The following ZNF704 variants were observed in gnomAD, a reference collection of about 807,000 sequenced individuals.
ZNF704 encodes the protein glucocorticoid induced gene 1.
In ZNF704, 10 loss-of-function variants were observed where a neutral mutation model predicts 44.7. That is an observed-to-expected ratio of 0.22 (90% confidence interval 0.14 to 0.38). ZNF704 has a LOEUF of 0.38. Ranked by LOEUF, ZNF704 falls within the 10% of genes least tolerant of loss-of-function variation. The pLI, the probability that ZNF704 is intolerant of heterozygous loss-of-function variation, is 1.00. For missense variants in ZNF704, 390 were observed against 545.5 expected (o/e 0.71, Z 2.84); for synonymous variants, 211 against 207.6 (o/e 1.02, Z -0.14).
At chr8:80,652,301 A>G (rs1346845714) in intron 7 of ZNF704, among the ~76,000 whole-genome samples, 1 of 152,172 alleles carries the variant, frequency 6.6e-6, no homozygotes, top group Non-Finnish European at 1.5e-5. Context: ...AGCAGAAGGC[A>G]AGAAATAACT....
intron 2 of ZNF704, among the ~76,000 whole-genome samples, chr8:80,700,122 T>C (rs1818786120): frequency 6.6e-6 from 1 of 152,044 alleles, no homozygotes; most frequent in African/African-American, 2.4e-5. Flanking sequence ...GACCTTCCTG[T>C]CAGGACCTCT....
At chr8:80,690,625 A>G (rs137921953) in intron 3 of ZNF704, among the ~76,000 whole-genome samples, 9 of 152,260 alleles carry the variant, frequency 5.9e-5, no homozygotes, top group Admixed American at 2.6e-4. Flanking sequence ...CAGAGTACCC[A>G]TTTGCCAGAG....
chr8:80,850,297 C>T (rs189933372), intron 1 of ZNF704, among the ~76,000 whole-genome samples: 5 of 151,936 alleles, frequency 3.3e-5, no homozygotes, highest in African/African-American at 4.8e-5. Flanking sequence ...CAGAATGAAT[C>T]GACTATCATA....
intron 1 of ZNF704, among the ~76,000 whole-genome samples, chr8:80,842,298 A>C (rs1008502107): frequency 2.6e-5 from 4 of 152,188 alleles, no homozygotes; most frequent in Non-Finnish European, 5.9e-5. Flanking sequence ...TAGGGAGGAC[A>C]GGTTAGCTAA....
At chr8:80,835,785 T>A (rs1261490891) in intron 1 of ZNF704, among the ~76,000 whole-genome samples, 1 of 152,244 alleles carries the variant, frequency 6.6e-6, no homozygotes, top group African/African-American at 2.4e-5. Flanking sequence ...AACTTCAGGA[T>A]ACAGAATTTC....
chr8:80,838,732 T>TGGAGGAGGA (rs140901931), intron 1 of ZNF704, among the ~76,000 whole-genome samples: 7 of 128,076 alleles, frequency 5.5e-5, no homozygotes, highest in African/African-American at 1.2e-4. Flanking sequence ...GAGCAGACAC[T>TGGAGGAGGA]GGAGGAGGAG....
At chr8:80,709,445 A>T (rs1818949568) in intron 2 of ZNF704, among the ~76,000 whole-genome samples, 4 of 105,540 alleles carry the variant, frequency 3.8e-5, no homozygotes, top group African/African-American at 2.7e-4. Flanking sequence ...TCCATCTCAA[A>T]AAAAAAAAAA....
intron 2 of ZNF704, among the ~76,000 whole-genome samples, chr8:80,784,445 T>C (rs1034584246): frequency 1.3e-5 from 2 of 152,244 alleles, no homozygotes; most frequent in Non-Finnish European, 1.5e-5. Flanking sequence ...GTCAGTGTTC[T>C]GGATCTTGGC....
At chr8:80,662,972 T>C (rs1340458088) in intron 6 of ZNF704, among the ~76,000 whole-genome samples, 1 of 152,222 alleles carries the variant, frequency 6.6e-6, no homozygotes, top group African/African-American at 2.4e-5. Flanking sequence ...AGAACATAAT[T>C]ACAAGTATGT....
chr8:80,664,701 G>C (rs780361473), intron 6 of ZNF704, 114 bp downstream of exon 6: 2 of 1,287,632 alleles, frequency 1.6e-6, no homozygotes, highest in Non-Finnish European at 2.2e-6. Flanking sequence ...AAAGCTACCG[G>C]GCTGCCGTGT....
At chr8:80,815,019 T>C (rs1808154169) in intron 2 of ZNF704, among the ~76,000 whole-genome samples, 1 of 152,238 alleles carries the variant, frequency 6.6e-6, no homozygotes, top group Non-Finnish European at 1.5e-5. Context: ...TCCCATCGTA[T>C]TTATAGGATT....
At chr8:80,644,044 C>T (rs1042347169) in intron 7 of ZNF704, among the ~76,000 whole-genome samples, 5 of 152,274 alleles carry the variant, frequency 3.3e-5, no homozygotes, top group African/African-American at 4.8e-5. Context: ...AAATCAAGAA[C>T]GTATGCCACC....
intron 7 of ZNF704, among the ~76,000 whole-genome samples, chr8:80,657,921 G>A (rs117045551): frequency 2.0e-5 from 3 of 152,202 alleles, no homozygotes; most frequent in East Asian, 1.9e-4. Flanking sequence ...ACTGAGATGA[G>A]GGTAGAAATA....
intron 2 of ZNF704, among the ~76,000 whole-genome samples, chr8:80,786,317 A>C (rs762057922): frequency 6.6e-5 from 10 of 152,200 alleles, no homozygotes; most frequent in Admixed American, 1.3e-4. Context: ...GAGTTGCTTA[A>C]GTGCTGAGCT....
chr8:80,844,009 ATG>A, intron 1 of ZNF704, among the ~76,000 whole-genome samples: 1 of 151,016 alleles, frequency 6.6e-6, no homozygotes, highest in African/African-American at 2.4e-5. Context: ...ACACATGTAT[ATG>A]TGTGTGTCAC....
chr8:80,842,494 G>GA (rs377401495), intron 1 of ZNF704, among the ~76,000 whole-genome samples: 78 of 152,256 alleles, frequency 5.1e-4, no homozygotes, highest in African/African-American at 1.9e-3. Flanking sequence ...CACACACAGA[G>GA]AAAAAAGAAG....
At chr8:80,838,280 A>C (rs751247299) in intron 1 of ZNF704, among the ~76,000 whole-genome samples, 1 of 152,264 alleles carries the variant, frequency 6.6e-6, no homozygotes, top group Non-Finnish European at 1.5e-5. Context: ...TCAAAAACGC[A>C]GTTAGAACAG....
chr8:80,814,137 T>C (rs1485022759), intron 2 of ZNF704: 3 of 152,144 alleles, frequency 2.0e-5, no homozygotes, highest in African/African-American at 7.2e-5. Flanking sequence ...TTCAATGAAA[T>C]TTTGCCCCAG....
intron 4 of ZNF704, among the ~76,000 whole-genome samples, chr8:80,681,848 C>T (rs979737598): frequency 3.3e-5 from 5 of 152,184 alleles, no homozygotes; most frequent in African/African-American, 9.7e-5. Context: ...GTCCTTCGAA[C>T]TCCAATGTCC....
Sources: allele counts gnomAD v4.1 joint callset (sites outside exome capture counted in the v4.1 genomes callset), GRCh38; gene constraint gnomAD v4.1.1; transcripts MANE v1.5; gene names NCBI Gene and HGNC (gene_info 2026-07-23, HGNC 2026-07-21).